The following CNTN3 variants were observed in gnomAD, a reference collection of about 807,000 sequenced individuals.
CNTN3 encodes the protein contactin 3.
In CNTN3, 60 loss-of-function variants were observed where a neutral mutation model predicts 119.1. The ratio of observed to expected loss-of-function variants is 0.50; its 90% CI spans 0.41 to 0.62. The LOEUF (loss-of-function observed/expected upper bound fraction) is 0.62. CNTN3 is among the 20% of genes least tolerant of loss of function. The pLI is 0.00. For synonymous variants in CNTN3, 450 were observed against 438.7 expected (o/e 1.03, Z -0.32); for missense variants, 1,101 against 1,242.4 (o/e 0.89, Z 1.71).
intron 5 of CNTN3, among the ~76,000 whole-genome samples, chr3:74,387,848 A>C (rs1266249716): frequency 6.6e-6 from 1 of 152,228 alleles, no homozygotes; most frequent in Non-Finnish European, 1.5e-5. Context: ...AAAGGTCTCC[A>C]TTCTACTTAA....
intron 13 of CNTN3, among the ~76,000 whole-genome samples, chr3:74,328,660 T>C (rs375615679): frequency 5.3e-5 from 8 of 152,186 alleles, no homozygotes; most frequent in African/African-American, 1.9e-4. Context: ...AATCACACTT[T>C]AAGCAGGAAC....
intron 4 of CNTN3, among the ~76,000 whole-genome samples, chr3:74,425,822 T>C (rs1241284004): frequency 6.6e-6 from 1 of 152,142 alleles, no homozygotes; most frequent in Admixed American, 6.6e-5. Context: ...GTCCTATTTT[T>C]CCCATATTCT....
chr3:74,413,819 GT>G (rs1402453791), intron 5 of CNTN3, among the ~76,000 whole-genome samples: 2 of 152,100 alleles, frequency 1.3e-5, no homozygotes, highest in African/African-American at 4.8e-5. Context: ...GGAAAAACAG[GT>G]TTTAAATAAA....
intron 13 of CNTN3, among the ~76,000 whole-genome samples, chr3:74,309,789 G>T (rs1702642387): frequency 6.6e-6 from 1 of 152,122 alleles, no homozygotes; most frequent in Non-Finnish European, 1.5e-5. Flanking sequence ...GCTGTATACT[G>T]CTGAACTCAT....
At chr3:74,446,845 ATAAGT>A (rs777047528) in intron 4 of CNTN3, among the ~76,000 whole-genome samples, 6 of 152,106 alleles carry the variant, frequency 3.9e-5, no homozygotes, top group Non-Finnish European at 7.4e-5. Context: ...GTCATAGGGT[ATAAGT>A]TTTTTTGAGT....
chr3:74,530,866 T>A (rs1359132642), intron 1 of CNTN3, among the ~76,000 whole-genome samples: 2 of 151,682 alleles, frequency 1.3e-5, no homozygotes, highest in Non-Finnish European at 2.9e-5. Flanking sequence ...GGGGGAAATA[T>A]CCCCAGTGTT....
At chr3:74,338,398 A>G (rs939073536) in intron 11 of CNTN3, among the ~76,000 whole-genome samples, 6 of 152,032 alleles carry the variant, frequency 3.9e-5, no homozygotes, top group African/African-American at 7.2e-5. Flanking sequence ...GTATGTGTGT[A>G]TATATATACA....
At chr3:74,311,764 A>C (rs1702689716) in intron 13 of CNTN3, among the ~76,000 whole-genome samples, 1 of 152,196 alleles carries the variant, frequency 6.6e-6, no homozygotes. Context: ...ACAACAAATA[A>C]AGAGCTGAAC....
chr3:74,465,021 G>A (rs557830730), intron 4 of CNTN3, among the ~76,000 whole-genome samples: 3 of 152,232 alleles, frequency 2.0e-5, no homozygotes, highest in African/African-American at 7.2e-5. Context: ...AAAATCCACA[G>A]GGAAAAGTCA....
At chr3:74,504,106 A>G (rs543898826) in intron 2 of CNTN3, among the ~76,000 whole-genome samples, 20 of 152,160 alleles carry the variant, frequency 1.3e-4, no homozygotes, top group Non-Finnish European at 2.5e-4. Flanking sequence ...ACTCTACTAA[A>G]AGAAATGAGA....
intron 1 of CNTN3, among the ~76,000 whole-genome samples, chr3:74,575,415 CTAA>C (rs1704398298): frequency 6.6e-6 from 1 of 151,538 alleles, no homozygotes; most frequent in African/African-American, 2.4e-5. Context: ...TCATGCCTGA[CTAA>C]TTTTTATATT....
In CNTN3 at chr3:74,407,378, C is replaced by A. The variant is rs185028901; in HGVS notation, c.454+17467G>T. 6.1e-3 allele frequency among the ~76,000 whole-genome samples: 898 copies of A among 146,032 alleles called. 5 individuals carry two copies. Among genetic ancestry groups the A allele is most frequent in the Non-Finnish European group, 9.6e-3 (646 of 67,148 alleles). On this transcript the variant is annotated intron_variant, in intron 5 of 22. Coordinates refer to ENST00000263665, the MANE Select transcript of CNTN3 (RefSeq NM_020872.3). Reference sequence around the variant, plus strand: ...CCACCTCCTGGGTTCAAGCGATTCTCCTGCCTCAGCCTCTGAAGTAGCTGG... The same window carrying A: ...CCACCTCCTGGGTTCAAGCGATTCTACTGCCTCAGCCTCTGAAGTAGCTGG...
At chr3:74,494,738 C>A (rs564385958) in intron 3 of CNTN3, among the ~76,000 whole-genome samples, 1 of 151,974 alleles carries the variant, frequency 6.6e-6, no homozygotes, top group East Asian at 1.9e-4. Flanking sequence ...TTTGTTGATG[C>A]CACTAATTAG....
At chr3:74,311,448 AT>A (rs1461475449) in intron 13 of CNTN3, among the ~76,000 whole-genome samples, 2 of 152,246 alleles carry the variant, frequency 1.3e-5, no homozygotes, top group Admixed American at 6.5e-5. Flanking sequence ...CATAAAAATA[AT>A]TTAGAAAACC....
intron 4 of CNTN3, among the ~76,000 whole-genome samples, chr3:74,477,422 G>A (rs151093780): frequency 6.6e-6 from 1 of 152,248 alleles, no homozygotes; most frequent in Non-Finnish European, 1.5e-5. Context: ...TGACCAGCAA[G>A]AGGGACTCAG....
At position 74,473,501 on chromosome 3, in the gene CNTN3, T is replaced by C. The variant is rs1021126272; in HGVS notation, c.358+12955A>G. Among the ~76,000 whole-genome samples, 37 of 152,180 alleles carry C rather than the reference T, an allele frequency of 2.4e-4. 1 individual carries two copies. The highest frequency in any genetic ancestry group is 8.2e-4 in the African/African-American group (34 of 41,438). Reference sequence around the variant, plus strand: ...AGTAAAGAACAGATTCTGCTTTATTTTGAAAAGAGATTAGCTTTGGTAATA... The same window carrying C: ...AGTAAAGAACAGATTCTGCTTTATTCTGAAAAGAGATTAGCTTTGGTAATA... On this transcript the variant is annotated intron_variant, in intron 4 of 22. Coordinates refer to ENST00000263665, the MANE Select transcript of CNTN3 (RefSeq NM_020872.3).
intron 11 of CNTN3, among the ~76,000 whole-genome samples, chr3:74,352,908 C>T (rs900180379): frequency 6.6e-5 from 10 of 152,028 alleles, no homozygotes; most frequent in East Asian, 1.9e-4. Context: ...CTGACAGTTG[C>T]GAGGGAACAA....
At chr3:74,538,616 A>T (rs1013357052) in intron 1 of CNTN3, among the ~76,000 whole-genome samples, 50 of 152,184 alleles carry the variant, frequency 3.3e-4, no homozygotes, top group Non-Finnish European at 1.0e-4. Context: ...GTATTTGAAT[A>T]AATAAAGGTT....
chr3:74,597,439 G>GCTTTGTGA (rs1447601492), intron 1 of CNTN3, among the ~76,000 whole-genome samples: 4 of 151,822 alleles, frequency 2.6e-5, no homozygotes, highest in Admixed American at 2.0e-4. Context: ...CTGAGCTGTG[G>GCTTTGTGA]CTTTGTGAAA....
Sources: allele counts gnomAD v4.1 joint callset (sites outside exome capture counted in the v4.1 genomes callset), GRCh38; gene constraint gnomAD v4.1.1; transcripts MANE v1.5; gene names NCBI Gene and HGNC (gene_info 2026-07-23, HGNC 2026-07-21).